The following NMD3 variants were observed in gnomAD, a reference collection of about 807,000 sequenced individuals.
NMD3 encodes NMD3 ribosome export adaptor, also known as 60S ribosomal export protein NMD3.
A neutral mutation model predicts 73.1 loss-of-function variants in NMD3; 47 were observed. The observed-to-expected ratio is 0.64, with a 90% CI of 0.51 to 0.82. The LOEUF is 0.82. Among genes scored for constraint, NMD3 ranks in the 40% least tolerant of loss-of-function variants. NMD3 has a pLI of 0.00. For missense variants in NMD3, 554 were observed against 612.5 expected (o/e 0.90, Z 1.01); for synonymous variants, 210 against 194.5 (o/e 1.08, Z -0.66).
chr3:161,227,447 T>TC (rs1736365729), intron 4 of NMD3, 104 bp downstream of exon 4: 2 of 652,428 alleles, frequency 3.1e-6, no homozygotes, highest in East Asian at 5.7e-5. Context: ...ATTTTTTTTT[T>TC]TTTTTTTTTT....
intron 11 of NMD3, among the ~76,000 whole-genome samples, chr3:161,243,244 A>T (rs563007051): frequency 2.0e-5 from 3 of 152,188 alleles, no homozygotes; most frequent in Non-Finnish European, 4.4e-5. Context: ...ACAGTAAGAG[A>T]TTAACAATAA....
rs62278057 is a variant in NMD3 at position 161,225,266 on chromosome 3, A to G, written c.179+202A>G. On this transcript the variant is annotated intron_variant, in intron 3 of 15. Coordinates refer to ENST00000351193, the MANE Select transcript of NMD3 (RefSeq NM_015938.5). Reference sequence around the variant, plus strand: ...AGTGTGTCCTTCTAATCTGGTAAAGATAGTGTAAATGTATTTGAATCTGTT... The same window carrying G: ...AGTGTGTCCTTCTAATCTGGTAAAGGTAGTGTAAATGTATTTGAATCTGTT... Among the ~76,000 whole-genome samples the G allele has an allele frequency of 0.02, 2,983 of 152,304 alleles. 38 individuals are homozygous for G. Among genetic ancestry groups the G allele is most frequent in the Non-Finnish European group, 0.031 (2,109 of 68,014 alleles).
chr3:161,247,618 C>T (rs1387049245), intron 13 of NMD3, among the ~76,000 whole-genome samples: 1 of 151,438 alleles, frequency 6.6e-6, no homozygotes, highest in Non-Finnish European at 1.5e-5. Context: ...GAAACCCTGT[C>T]TCTATTAAAA....
Position 161,235,129 on chromosome 3 carries a change from A to G in NMD3, c.494A>G (p.His165Arg), listed in dbSNP as rs753152465. ...AVIQVRQKTL[H>R]KKTFYYLEQL... ...AAATAATTTATATTTTAGACTTTGC[A>G]TAAAAAAACTTTCTACTATCTGGAA... The change falls in exon 7 of 16, where the codon CAT becomes CGT. Residue 165 changes from histidine to arginine, a missense_variant. His to Arg is a conservative substitution (Grantham distance 29, BLOSUM62 0). Coordinates refer to ENST00000351193, the MANE Select transcript of NMD3 (RefSeq NM_015938.5). The G allele has an allele frequency of 1.3e-6, 2 of 1,484,780 alleles. No individual in the cohort carries two copies. Among genetic ancestry groups the G allele is most frequent in the South Asian group, 1.2e-5 (1 of 82,732 alleles). 92.0% of individuals were successfully genotyped at this position (1,484,780 alleles called of 1,614,324 possible). A position where few individuals can be genotyped will look rare whatever the true frequency, so the allele number is the denominator to read the frequency against.
chr3:161,250,219 AT>A, intron 14 of NMD3, 36 bp from the exon 15 acceptor site: 1 of 1,153,312 alleles, frequency 8.7e-7, no homozygotes, highest in African/African-American at 1.5e-5. Flanking sequence ...ATATAACTAT[AT>A]TTTTGGTGAT....
At chr3:161,222,830 A>G (rs949858805) in intron 2 of NMD3, 1 of 152,212 alleles carries the variant, frequency 6.6e-6, no homozygotes, top group African/African-American at 2.4e-5. Flanking sequence ...AAAAGTAAAA[A>G]CCAAAGGAAA....
intron 9 of NMD3, among the ~76,000 whole-genome samples, chr3:161,239,513 G>A (rs1736889776): frequency 6.6e-6 from 1 of 152,128 alleles, no homozygotes; most frequent in South Asian, 2.1e-4. Context: ...TCTACATAAA[G>A]TTAATCTAGA....
intron 12 of NMD3, among the ~76,000 whole-genome samples, chr3:161,246,728 T>A (rs1164102438): frequency 6.6e-6 from 1 of 152,196 alleles, no homozygotes; most frequent in Non-Finnish European, 1.5e-5. Context: ...TAGAACTGCT[T>A]TTGCAGATTG....
At chr3:161,221,256 C>T (rs913045283), upstream of NMD3, 2 of 152,304 alleles carry the variant, frequency 1.3e-5, no homozygotes, top group African/African-American at 2.4e-5. Context: ...CACCCCGTCC[C>T]TTTTAATACG....
chr3:161,234,805 A>AC lies in NMD3; in HGVS notation c.436_437insC (p.Arg146ThrfsTer5). On this transcript the variant is annotated frameshift_variant, in exon 6 of 16. Transcript: ENST00000351193. LOFTEE classifies it high-confidence loss of function. ...GTCCCAAATGTGTGGAGATTGCCAT[A>AC]GAGTAGAAGCTAAGGATTTCTGGAA... 6.2e-7 allele frequency: 1 copy of AC among 1,613,430 alleles called. No individual in the cohort carries two copies. Among genetic ancestry groups the AC allele is most frequent in the African/African-American group, 1.3e-5 (1 of 75,004 alleles).
Position 161,250,840 on chromosome 3 carries a change from C to G in NMD3, c.1442C>G (p.Ala481Gly). Reference sequence around the variant, plus strand: ...GAAGGAGCACCTCGAATTAGTCTGGCTGAGATGCTTGAAGACCTTCATATT... The same window carrying G: ...GAAGGAGCACCTCGAATTAGTCTGGGTGAGATGCTTGAAGACCTTCATATT... The part of the protein sequence containing the change: ...DDEGAPRISL[A>G]EMLEDLHISQ... Residue 481 changes from alanine to glycine, a missense_variant, in exon 16 of 16, where the codon GCT becomes GGT. By Grantham distance (60) the Ala-to-Gly change is moderately conservative. Transcript: ENST00000351193. 1.2e-6 allele frequency: 2 copies of G among 1,611,614 alleles called. No individual in the cohort carries two copies. The highest frequency in any genetic ancestry group is 1.7e-6 in the Non-Finnish European group (2 of 1,177,906).
chr3:161,238,271 C>A, intron 8 of NMD3, 80 bp downstream of exon 8: 2 of 875,178 alleles, frequency 2.3e-6, no homozygotes, highest in Non-Finnish European at 3.6e-6. Flanking sequence ...CAGGCTCAGA[C>A]AACTTCTCTT....
downstream of NMD3, chr3:161,252,698 G>A: frequency 1.7e-6 from 1 of 585,098 alleles, no homozygotes. Context: ...TTAATCAAAT[G>A]CACAAGAACA....
chr3:161,252,457 T>C (rs796138703), downstream of NMD3: 3 of 165,576 alleles, frequency 1.8e-5, no homozygotes, highest in African/African-American at 7.1e-5. Context: ...ATTTATTTAG[T>C]CTTACTCATT....
chr3:161,226,384 G>A (rs1736316572), intron 3 of NMD3, among the ~76,000 whole-genome samples: 1 of 142,768 alleles, frequency 7.0e-6, no homozygotes, highest in Non-Finnish European at 1.5e-5. Flanking sequence ...AGAGGCAGAG[G>A]TTGCAGTGAG....
At position 161,235,195 on chromosome 3, in the gene NMD3, G is replaced by A. The variant is rs754913920; in HGVS notation, c.560G>A (p.Arg187His). 7.2e-6 allele frequency: 11 copies of A among 1,527,302 alleles called. No individual in the cohort carries two copies. The highest frequency in any genetic ancestry group is 3.8e-5 in the Admixed American group (2 of 52,604). 94.6% of individuals were successfully genotyped at this position (1,527,302 alleles called of 1,614,324 possible). A position where few individuals can be genotyped will look rare whatever the true frequency, so the allele number is the denominator to read the frequency against. ...LKYGMHQNTL[R>H]IKEIHDGLDF... ...TATGGAATGCATCAGAATACACTTC[G>A]TATCAAAGAGATTCATGGTGAGTTA... Residue 187 changes from arginine to histidine, a missense_variant, in exon 7 of 16, where the codon CGT (arginine) becomes CAT (histidine). Coordinates refer to ENST00000351193, the MANE Select transcript of NMD3 (RefSeq NM_015938.5).
Position 161,251,319 on chromosome 3 carries a change from T to G in NMD3, c.*409T>G, listed in dbSNP as rs1737477911. The stretch of plus-strand genomic sequence containing the variant: ...CGTTGATTATTTTAGTGAAAGACCA[T>G]ATGAAGAAGCATTTTTAATATTAAC... On this transcript the variant is annotated 3_prime_UTR_variant, in exon 16 of 16. Coordinates refer to ENST00000351193, the MANE Select transcript of NMD3 (RefSeq NM_015938.5). 1 of 152,636 alleles carries G rather than the reference T, an allele frequency of 6.6e-6. No individual in the cohort carries two copies. Among genetic ancestry groups the G allele is most frequent in the Non-Finnish European group, 1.5e-5 (1 of 68,346 alleles). 9.5% of individuals were successfully genotyped at this position (152,636 alleles called of 1,614,324 possible).
intron 9 of NMD3, among the ~76,000 whole-genome samples, chr3:161,239,354 A>G (rs1057300064): frequency 2.0e-5 from 3 of 152,228 alleles, no homozygotes; most frequent in African/African-American, 7.2e-5. Flanking sequence ...TCAGAAAAAT[A>G]TGAATTAAAA....
intron 12 of NMD3, among the ~76,000 whole-genome samples, chr3:161,246,700 T>C (rs1326190264): frequency 6.6e-6 from 1 of 152,232 alleles, no homozygotes; most frequent in African/African-American, 2.4e-5. Flanking sequence ...CTTGAAGTTA[T>C]ATGGTTGTAT....
Sources: allele counts gnomAD v4.1 joint callset (sites outside exome capture counted in the v4.1 genomes callset), GRCh38; gene constraint gnomAD v4.1.1; transcripts MANE v1.5; gene names NCBI Gene and HGNC (gene_info 2026-07-23, HGNC 2026-07-21).